Variants in GPC6 observed in about 807,000 individuals in gnomAD.
GPC6 encodes the protein glypican-6.
In GPC6, 14 loss-of-function variants were observed where a neutral mutation model predicts 55.2. The ratio of observed to expected loss-of-function variants is 0.25; its 90% confidence interval spans 0.17 to 0.40. The LOEUF (loss-of-function observed/expected upper bound fraction) is 0.40. Among genes scored for constraint, GPC6 ranks in the 10% least tolerant of loss-of-function variants. GPC6 has a pLI of 1.00. For synonymous variants in GPC6, 278 were observed against 259.6 expected (o/e 1.07, Z -0.68); for missense variants, 641 against 708.5 (o/e 0.90, Z 1.08).
At chr13:93,963,828 ATGT>A (rs1410246634) in intron 3 of GPC6, among the ~76,000 whole-genome samples, 1 of 152,208 alleles carries the variant, frequency 6.6e-6, no homozygotes, top group Non-Finnish European at 1.5e-5. Flanking sequence ...TTTTACCAAG[ATGT>A]TGTCAAAATA....
At chr13:93,643,858 CCTT>C (rs1408626565) in intron 2 of GPC6, among the ~76,000 whole-genome samples, 2 of 152,084 alleles carry the variant, frequency 1.3e-5, no homozygotes, top group Admixed American at 6.6e-5. Context: ...CCAGCCTTCT[CCTT>C]CTTCACCCTA....
intron 1 of GPC6, among the ~76,000 whole-genome samples, chr13:93,413,063 A>G (rs1308738919): frequency 2.6e-5 from 4 of 152,212 alleles, no homozygotes; most frequent in African/African-American, 9.6e-5. Context: ...TGTTGTTTAT[A>G]AAGACAGAGA....
chr13:93,895,817 A>T (rs995723496), intron 3 of GPC6, among the ~76,000 whole-genome samples: 4 of 152,052 alleles, frequency 2.6e-5, no homozygotes, highest in African/African-American at 9.6e-5. Context: ...TTGTGCCCAA[A>T]CTTTTAAAAT....
intron 2 of GPC6, among the ~76,000 whole-genome samples, chr13:93,630,889 G>A (rs1335368177): frequency 6.6e-6 from 1 of 152,110 alleles, no homozygotes; most frequent in Admixed American, 6.6e-5. Flanking sequence ...ATCTCAGAGT[G>A]TGACTGTATT....
chr13:93,285,706 C>CT (rs1043396644), intron 1 of GPC6, among the ~76,000 whole-genome samples: 2 of 147,970 alleles, frequency 1.4e-5, no homozygotes, highest in African/African-American at 5.0e-5. Context: ...ATAATTATAT[C>CT]TTTTTAAAAC....
At chr13:94,016,382 A>G (rs1566290915) in intron 3 of GPC6, among the ~76,000 whole-genome samples, 1 of 152,224 alleles carries the variant, frequency 6.6e-6, no homozygotes, top group East Asian at 1.9e-4. Context: ...GACGGAGCTC[A>G]CACAGTAACA....
rs1437447497 is a variant in GPC6, at chr13:93,538,530, T to TA, written c.161-6729dup. 9.8e-5 allele frequency among the ~76,000 whole-genome samples: 15 copies of TA among 152,302 alleles called. No homozygotes were observed. In the East Asian group the frequency reaches 2.9e-3, roughly 29 times the overall value. On this transcript the variant is annotated intron_variant, in intron 1 of 8. Transcript: ENST00000377047. ...GTGCTCACATGCCCCAGGCCATGAA[T>TA]AAAACTGGGCCAGGATCAGCGTTTT...
chr13:93,540,007 A>G (rs551477009), intron 1 of GPC6, among the ~76,000 whole-genome samples: 1 of 152,206 alleles, frequency 6.6e-6, no homozygotes, highest in Admixed American at 6.6e-5. Flanking sequence ...TACTTTTTGA[A>G]TGGCACAGTA....
intron 4 of GPC6, among the ~76,000 whole-genome samples, chr13:94,194,832 A>G (rs759830879): frequency 3.6e-4 from 54 of 152,076 alleles, no homozygotes; most frequent in Non-Finnish European, 6.8e-4. Context: ...CTGAAACTCT[A>G]TACAGAAGCA....
At chr13:93,625,222 A>G (rs112859491) in intron 2 of GPC6, among the ~76,000 whole-genome samples, 1 of 152,204 alleles carries the variant, frequency 6.6e-6, no homozygotes, top group Admixed American at 6.5e-5. Context: ...TATTTCTTCT[A>G]TAGCTAACAA....
intron 2 of GPC6, among the ~76,000 whole-genome samples, chr13:93,605,007 A>G (rs943055606): frequency 9.9e-5 from 15 of 152,158 alleles, no homozygotes; most frequent in African/African-American, 3.6e-4. Context: ...CTATGCTGCA[A>G]TTGCTTCATG....
At chr13:93,731,677 C>A (rs2138837056) in intron 2 of GPC6, among the ~76,000 whole-genome samples, 1 of 152,050 alleles carries the variant, frequency 6.6e-6, no homozygotes, top group East Asian at 1.9e-4. Context: ...ATATGGGCAT[C>A]CATTGTACAT....
chr13:94,358,262 C>A (rs528758175), intron 6 of GPC6, among the ~76,000 whole-genome samples: 3 of 146,774 alleles, frequency 2.0e-5, no homozygotes, highest in Non-Finnish European at 4.5e-5. Context: ...GCACTCCAGC[C>A]TAGGCGACAG....
chr13:93,729,756 G>A (rs1170737886), intron 2 of GPC6, among the ~76,000 whole-genome samples: 1 of 152,118 alleles, frequency 6.6e-6, no homozygotes, highest in East Asian at 1.9e-4. Context: ...TGTGCACATG[G>A]CTGTACTATT....
chr13:93,473,993 G>T (rs1050222723), intron 1 of GPC6, among the ~76,000 whole-genome samples: 5 of 152,182 alleles, frequency 3.3e-5, no homozygotes, highest in African/African-American at 1.2e-4. Context: ...TCCCCCTGCT[G>T]CCATCACTCA....
intron 4 of GPC6, among the ~76,000 whole-genome samples, chr13:94,059,739 C>T (rs1461144288): frequency 6.6e-6 from 1 of 151,664 alleles, no homozygotes; most frequent in Non-Finnish European, 1.5e-5. Context: ...TTGCTATGCC[C>T]TCACATAGTG....
chr13:93,665,082 G>T (rs1306259329), intron 2 of GPC6, among the ~76,000 whole-genome samples: 1 of 152,148 alleles, frequency 6.6e-6, no homozygotes. Flanking sequence ...ACACACTACT[G>T]TTTGGCCCAG....
At chr13:93,434,621 A>G (rs1877496620) in intron 1 of GPC6, among the ~76,000 whole-genome samples, 2 of 152,168 alleles carry the variant, frequency 1.3e-5, no homozygotes, top group African/African-American at 4.8e-5. Context: ...TGTGGTGGTA[A>G]AACTTACTGG....
chr13:94,096,214 G>T (rs546901244), intron 4 of GPC6, among the ~76,000 whole-genome samples: 10 of 151,898 alleles, frequency 6.6e-5, no homozygotes, highest in African/African-American at 2.2e-4. Flanking sequence ...TATTTTATGG[G>T]AATTTGTAAA....
Sources: gnomAD v4.1 joint callset for allele counts (sites outside exome capture counted in the v4.1 genomes callset) on GRCh38, gnomAD v4.1.1 for gene constraint, MANE v1.5 for transcripts, NCBI Gene and HGNC (gene_info 2026-07-23, HGNC 2026-07-21) for gene names.